Variants in PEAK1 observed in about 807,000 individuals in gnomAD.
The protein encoded by PEAK1 is pseudopodium enriched atypical kinase 1, also known as inactive tyrosine-protein kinase PEAK1.
PEAK1 carries 54 observed loss-of-function variants against 124.7 expected under a neutral mutation model. The observed-to-expected ratio is 0.43, with a 90% CI of 0.35 to 0.54. The LOEUF (loss-of-function observed/expected upper bound fraction) is 0.54, where lower values mean the gene tolerates loss of function less well. Ranked by LOEUF, PEAK1 falls within the 20% of genes least tolerant of loss-of-function variation. The probability of loss-of-function intolerance (pLI) is 0.01; values close to 1 mark genes in which losing one functional copy is unlikely to be tolerated. For missense variants in PEAK1, 2,046 were observed against 2,134.5 expected, an observed-to-expected ratio of 0.96 and a Z score of 0.82; for synonymous variants, 719 against 760.0, an observed-to-expected ratio of 0.95 and a Z score of 0.89.
chr15:77,169,408 T>C (rs111854927), intron 7 of PEAK1, among the ~76,000 whole-genome samples: 65 of 152,362 alleles, frequency 4.3e-4, no homozygotes, highest in African/African-American at 1.5e-3. Context: ...AACATGCAAG[T>C]AACTACGGCC....
chr15:77,118,232 G>A (rs2051573234), intron 9 of PEAK1, among the ~76,000 whole-genome samples: 1 of 152,084 alleles, frequency 6.6e-6, no homozygotes, highest in East Asian at 1.9e-4. Context: ...ATTTTACTTG[G>A]TTCATAACCC....
chr15:77,404,914 G>A, intron 1 of PEAK1: 1 of 320,926 alleles, frequency 3.1e-6, no homozygotes, highest in Non-Finnish European at 4.5e-6. Flanking sequence ...CTCAGCTCCT[G>A]TATGCCTTTC....
At chr15:77,304,969 G>A (rs1464498151) in intron 2 of PEAK1, among the ~76,000 whole-genome samples, 1 of 151,782 alleles carries the variant, frequency 6.6e-6, no homozygotes, top group African/African-American at 2.4e-5. Flanking sequence ...AACAGAGTGA[G>A]ACCTCATCTC....
intron 1 of PEAK1, chr15:77,418,536 A>G (rs1400988286): frequency 2.0e-6 from 2 of 984,814 alleles, no homozygotes; most frequent in Admixed American, 1.2e-4. Flanking sequence ...GGCTGAGGCT[A>G]TAACCCTCAA....
At position 77,181,748 on chromosome 15, in the gene PEAK1, T is replaced by C. The variant is rs1197835684; in HGVS notation, c.179A>G (p.Asn60Ser). ...TTTTTTAGCCACAGGAGGCCGGAAA[T>C]TGCCCGTGTTCCTGATGCGGTGGTT... ...SNNHRIRNTG[N>S]FRPPVAKKPT... The change falls in exon 7 of 10, where the codon AAT becomes AGT. Residue 60 changes from asparagine (N) to serine (S), a missense_variant. Transcript: ENST00000682557. 13 of 1,613,972 alleles carry C rather than the reference T, an allele frequency of 8.1e-6. No homozygotes were observed. Among genetic ancestry groups the C allele is most frequent in the Non-Finnish European group, 1.0e-5 (12 of 1,180,008 alleles).
chr15:77,384,023 A>G (rs757636848), intron 1 of PEAK1, among the ~76,000 whole-genome samples: 3 of 152,250 alleles, frequency 2.0e-5, no homozygotes, highest in Non-Finnish European at 4.4e-5. Context: ...AAAATGATTT[A>G]CAATTATACC....
chr15:77,289,095 T>C (rs1250916245), intron 2 of PEAK1, among the ~76,000 whole-genome samples: 1 of 152,156 alleles, frequency 6.6e-6, no homozygotes, highest in Non-Finnish European at 1.5e-5. Context: ...CTATAACCAA[T>C]AATTCACCAA....
intron 6 of PEAK1, among the ~76,000 whole-genome samples, chr15:77,199,218 T>G (rs1366121997): frequency 6.6e-6 from 1 of 152,236 alleles, no homozygotes; most frequent in Non-Finnish European, 1.5e-5. Context: ...ATCAATGCTT[T>G]GTTCCTGAAG....
intron 1 of PEAK1, among the ~76,000 whole-genome samples, chr15:77,374,207 A>C (rs1341960663): frequency 6.6e-6 from 1 of 152,172 alleles, no homozygotes; most frequent in Non-Finnish European, 1.5e-5. Flanking sequence ...ATTAATTCAA[A>C]TGGAGAGGAA....
At position 77,200,614 on chromosome 15, in the gene PEAK1, T is replaced by C. The variant is rs371768940; in HGVS notation, c.-114-18574A>G. Reference sequence around the variant, plus strand: ...TTATCAAACTGTGAATATAGCATAGTAGATTCACATTTTACAGTTTAAAAG... The same window carrying C: ...TTATCAAACTGTGAATATAGCATAGCAGATTCACATTTTACAGTTTAAAAG... On this transcript the variant is annotated intron_variant, in intron 6 of 9. Coordinates refer to ENST00000682557, the MANE Select transcript of PEAK1 (RefSeq NM_001385026.1). Among the ~76,000 whole-genome samples, 5 of 152,330 alleles carry C rather than the reference T, an allele frequency of 3.3e-5. No individual in the cohort carries two copies. The East Asian group carries it at 9.6e-4, about 29-fold the overall frequency.
At chr15:77,247,485 C>CTTTTTTTTTTTTTT (rs398028029) in intron 6 of PEAK1, among the ~76,000 whole-genome samples, 16 of 84,298 alleles carry the variant, frequency 1.9e-4, no homozygotes, top group East Asian at 1.1e-3. Flanking sequence ...CTTTTCTTTT[C>CTTTTTTTTTTTTTT]TTTTTTTTTT....
chr15:77,116,701 A>AATCT (rs34607835), intron 9 of PEAK1, among the ~76,000 whole-genome samples: 5,237 of 145,812 alleles, frequency 0.036, 99 homozygotes, highest in East Asian at 0.048. Flanking sequence ...GAAATCAATC[A>AATCT]ATCTATCTAT....
intron 8 of PEAK1, among the ~76,000 whole-genome samples, chr15:77,147,287 C>T (rs776947813): frequency 2.6e-5 from 4 of 152,154 alleles, no homozygotes; most frequent in Non-Finnish European, 4.4e-5. Flanking sequence ...ATTTTTAGCT[C>T]GTTCACTCAA....
chr15:77,181,332 C>T lies in PEAK1; in HGVS notation c.595G>A (p.Gly199Ser). 1 of 1,614,160 alleles carries T rather than the reference C, an allele frequency of 6.2e-7. No homozygotes were observed. The highest frequency in any genetic ancestry group is 8.5e-7 in the Non-Finnish European group (1 of 1,180,026). ...ERKLPPSCMIGGIKETQGKHV... is the reference protein window; with the variant it reads ...ERKLPPSCMISGIKETQGKHV... ...TTGCCCTGAGTTTCCTTTATCCCAC[C>T]TATCATGCAACTTGGTGGAAGCTTT... Residue 199 changes from glycine (G) to serine (S), a missense_variant, in exon 7 of 10, where the codon GGT (glycine) becomes AGT (serine). Gly to Ser is a moderately conservative substitution (Grantham distance 56, BLOSUM62 0). Transcript: ENST00000682557.
At chr15:77,403,973 G>T (rs912290498) in intron 1 of PEAK1, 1 of 964,592 alleles carries the variant, frequency 1.0e-6, no homozygotes, top group Non-Finnish European at 1.2e-6. Context: ...CGTGTCACAA[G>T]GGTTTGGTAC....
At chr15:77,318,980 A>C (rs1460354463) in intron 2 of PEAK1, among the ~76,000 whole-genome samples, 1 of 152,164 alleles carries the variant, frequency 6.6e-6, no homozygotes, top group Non-Finnish European at 1.5e-5. Context: ...AAAAGTATAA[A>C]ATGCTAATTC....
At chr15:77,417,650 A>G (rs982118782) in intron 1 of PEAK1, 4 of 985,302 alleles carry the variant, frequency 4.1e-6, no homozygotes, top group Non-Finnish European at 4.8e-6. Context: ...AACCCATCCA[A>G]CAAAAGGGTA....
At chr15:77,278,536 A>G in intron 5 of PEAK1, 1 of 491,752 alleles carries the variant, frequency 2.0e-6, no homozygotes, top group South Asian at 1.5e-5. Context: ...CACAGAGAAG[A>G]TCTGCAAGGT....
rs200860058 is a variant in PEAK1 at position 77,180,074 on chromosome 15, C to A, written c.1853G>T (p.Arg618Leu). The A allele has an allele frequency of 6.2e-7, 1 of 1,613,960 alleles. No individual in the cohort carries two copies. The highest frequency in any genetic ancestry group is 1.3e-5 in the African/African-American group (1 of 74,978). The change falls in exon 7 of 10, where the codon CGG becomes CTG. Residue 618 changes from arginine to leucine, a missense_variant. Transcript: ENST00000682557. ...IIIHDEPTYA[R>L]SSKNAIKVPI... ...AACTTTGATAGCATTTTTGGAACTC[C>A]GAGCATAAGTTGGCTCGTCATGAAT...
Sources: gnomAD v4.1 joint callset for allele counts (sites outside exome capture counted in the v4.1 genomes callset) on GRCh38, gnomAD v4.1.1 for gene constraint, MANE v1.5 for transcripts, NCBI Gene and HGNC (gene_info 2026-07-23, HGNC 2026-07-21) for gene names.